Variants in EPB41L4A observed in about 807,000 individuals in gnomAD.
The protein encoded by EPB41L4A is erythrocyte membrane protein band 4.1 like 4A, also known as band 4.1-like protein 4A.
Under a neutral mutation model 108.6 loss-of-function variants are expected in EPB41L4A, and 100 were observed. That is an observed-to-expected ratio of 0.92 (90% confidence interval 0.78 to 1.09). EPB41L4A has a LOEUF of 1.09. EPB41L4A is among the 50% of genes least tolerant of loss of function. EPB41L4A has a pLI of 0.00. For missense variants in EPB41L4A, 1,030 were observed against 842.7 expected (o/e 1.22, Z -2.75); for synonymous variants, 319 against 289.0 (o/e 1.10, Z -1.05).
chr5:112,221,681 A>T (rs929637616), intron 12 of EPB41L4A, among the ~76,000 whole-genome samples: 4 of 152,222 alleles, frequency 2.6e-5, no homozygotes, highest in African/African-American at 9.6e-5. Flanking sequence ...GCTCTATAAA[A>T]TAGGGTCTTA....
At chr5:112,297,511 C>T (rs1236352227) in intron 2 of EPB41L4A, among the ~76,000 whole-genome samples, 1 of 151,960 alleles carries the variant, frequency 6.6e-6, no homozygotes, top group Middle Eastern at 3.2e-3. Context: ...TGTTTGAGTT[C>T]CTTGTAGATT....
At chr5:112,419,845 C>A, upstream of EPB41L4A, 1 of 456,756 alleles carries the variant, frequency 2.2e-6, no homozygotes, top group Non-Finnish European at 4.4e-6. Flanking sequence ...CCGTGTGTAG[C>A]CAAGTTCAAG....
intron 1 of EPB41L4A, among the ~76,000 whole-genome samples, chr5:112,368,816 T>C (rs975213551): frequency 6.6e-5 from 10 of 152,288 alleles, no homozygotes; most frequent in African/African-American, 2.2e-4. Context: ...TCTTCATTTT[T>C]TTCTGCCCAC....
intron 3 of EPB41L4A, 49 bp from the exon 4 acceptor site, chr5:112,275,453 A>G: frequency 6.8e-7 from 1 of 1,478,942 alleles, no homozygotes; most frequent in Non-Finnish European, 9.1e-7. Flanking sequence ...TAAATTAGTC[A>G]AAGTTACAGT....
At chr5:112,319,444 C>T (rs1388712007) in intron 1 of EPB41L4A, among the ~76,000 whole-genome samples, 1 of 152,168 alleles carries the variant, frequency 6.6e-6, no homozygotes, top group Non-Finnish European at 1.5e-5. Context: ...TTAAGTACAA[C>T]TGATTTGGTC....
At chr5:112,411,917 CAA>C (rs575206424) in intron 1 of EPB41L4A, among the ~76,000 whole-genome samples, 329 of 152,350 alleles carry the variant, frequency 2.2e-3, no homozygotes, top group African/African-American at 7.6e-3. Flanking sequence ...TTTAACAACT[CAA>C]ATAGTCTCTC....
intron 2 of EPB41L4A, among the ~76,000 whole-genome samples, chr5:112,289,917 T>C (rs1034870698): frequency 1.3e-5 from 2 of 152,222 alleles, no homozygotes; most frequent in African/African-American, 4.8e-5. Context: ...CTTCCCAATT[T>C]ATCCAGACCT....
At position 112,186,970 on chromosome 5, in the gene EPB41L4A, C is replaced by CT. The variant is rs563584774; in HGVS notation, c.1503-2836dup. ...GATATGTTTACTGTGATAATTCTGACTTTTTAAGTCTCATTTATTCTCAGG... is the reference window on the plus strand; with the variant it reads ...GATATGTTTACTGTGATAATTCTGACTTTTTTAAGTCTCATTTATTCTCAGG... On this transcript the variant is annotated intron_variant, in intron 17 of 22. Transcript: ENST00000261486. Among the ~76,000 whole-genome samples, 182 of 152,234 alleles carry CT rather than the reference C, an allele frequency of 1.2e-3. 1 individual carries two copies. The highest frequency in any genetic ancestry group is 2.2e-3 in the Non-Finnish European group (153 of 68,002).
At chr5:112,418,823 C>T (rs1762880987) in intron 1 of EPB41L4A, 118 bp downstream of exon 1, 1 of 711,418 alleles carries the variant, frequency 1.4e-6, no homozygotes, top group Non-Finnish European at 2.4e-6. Flanking sequence ...GGCCTCTCCT[C>T]CCCACCGCGC....
intron 17 of EPB41L4A, among the ~76,000 whole-genome samples, chr5:112,185,259 C>T (rs1021502202): frequency 1.7e-4 from 26 of 152,204 alleles, no homozygotes; most frequent in African/African-American, 9.7e-5. Context: ...ATGAGCATAA[C>T]TGCTTCGAGA....
At chr5:112,390,472 G>A (rs551244173) in intron 1 of EPB41L4A, among the ~76,000 whole-genome samples, 5 of 152,264 alleles carry the variant, frequency 3.3e-5, no homozygotes, top group African/African-American at 1.2e-4. Context: ...ATCGAGCTGT[G>A]AGCTGACAGC....
chr5:112,366,213 C>A (rs415229), intron 1 of EPB41L4A, among the ~76,000 whole-genome samples: 42,619 of 151,638 alleles, frequency 0.28, 6,977 homozygotes, highest in African/African-American at 0.46. Context: ...AACCACAGCT[C>A]CACTCTCCTC....
At chr5:112,229,804 T>C (rs1453529390) in intron 12 of EPB41L4A, among the ~76,000 whole-genome samples, 5 of 151,906 alleles carry the variant, frequency 3.3e-5, no homozygotes, top group East Asian at 3.9e-4. Flanking sequence ...CTGGCTAACA[T>C]GGTGAAACGC....
At chr5:112,403,377 C>T (rs1352594095) in intron 1 of EPB41L4A, among the ~76,000 whole-genome samples, 3 of 149,302 alleles carry the variant, frequency 2.0e-5, no homozygotes, top group Non-Finnish European at 4.4e-5. Context: ...CTTACAAAGG[C>T]TAAATCATAA....
intron 2 of EPB41L4A, among the ~76,000 whole-genome samples, chr5:112,295,398 A>G (rs935090350): frequency 6.6e-6 from 1 of 152,198 alleles, no homozygotes; most frequent in Non-Finnish European, 1.5e-5. Context: ...CATAGTTTTA[A>G]GAACTCAATT....
intron 15 of EPB41L4A, among the ~76,000 whole-genome samples, chr5:112,203,458 G>A (rs999113910): frequency 1.3e-5 from 2 of 152,168 alleles, no homozygotes; most frequent in Non-Finnish European, 2.9e-5. Flanking sequence ...CTGCCATGTA[G>A]GAGTGAAAAG....
chr5:112,266,039 AG>A (rs1354089069), intron 5 of EPB41L4A, among the ~76,000 whole-genome samples, 193 bp downstream of exon 5: 4 of 152,224 alleles, frequency 2.6e-5, no homozygotes, highest in Admixed American at 2.0e-4. Context: ...ACCTACCATA[AG>A]GGATTTGTAC....
At chr5:112,310,123 G>GT (rs1754955273) in intron 1 of EPB41L4A, among the ~76,000 whole-genome samples, 1 of 152,182 alleles carries the variant, frequency 6.6e-6, no homozygotes, top group Admixed American at 6.5e-5. Flanking sequence ...ATAAATGACT[G>GT]TATGTTTAAA....
At position 112,236,657 on chromosome 5, in the gene EPB41L4A, C is replaced by T. The variant is rs1381836239; in HGVS notation, c.966-1902G>A. Reference sequence around the variant, plus strand: ...TTTTATTTCTGTGATCACCCACTTCCCTGCTGCCTCTGGCATAAATACAGC... The same window carrying T: ...TTTTATTTCTGTGATCACCCACTTCTCTGCTGCCTCTGGCATAAATACAGC... On this transcript the variant is annotated intron_variant, in intron 11 of 22. Transcript: ENST00000261486. 2.0e-5 allele frequency among the ~76,000 whole-genome samples: 3 copies of T among 152,176 alleles called. No homozygotes were observed. In the East Asian group the frequency reaches 5.8e-4, roughly 29 times the overall value.
Sources: gnomAD v4.1 joint callset for allele counts (sites outside exome capture counted in the v4.1 genomes callset) on GRCh38, gnomAD v4.1.1 for gene constraint, MANE v1.5 for transcripts, NCBI Gene and HGNC (gene_info 2026-07-23, HGNC 2026-07-21) for gene names.